Variants in ABCA13 observed in about 807,000 individuals in gnomAD.
ABCA13 encodes ATP-binding cassette sub-family A member 13.
A neutral mutation model predicts 478.7 loss-of-function variants in ABCA13; 476 were observed. The ratio of observed to expected loss-of-function variants is 0.99; its 90% CI spans 0.92 to 1.07. The LOEUF is 1.07. Ranked by LOEUF, ABCA13 falls within the 50% of genes least tolerant of loss-of-function variation. The pLI, the probability that ABCA13 is intolerant of heterozygous loss-of-function variation, is 0.00. For missense variants in ABCA13, 6,060 were observed against 5,910.6 expected (o/e 1.03, Z -0.83); for synonymous variants, 2,252 against 2,158.9 (o/e 1.04, Z -1.20).
chr7:48,606,658 C>T (rs573016339), intron 58 of ABCA13, among the ~76,000 whole-genome samples: 2 of 152,260 alleles, frequency 1.3e-5, no homozygotes, highest in East Asian at 1.9e-4. Flanking sequence ...CAGCCCCTAC[C>T]GGGAGCTATC....
intron 16 of ABCA13, among the ~76,000 whole-genome samples, chr7:48,270,306 G>T (rs1367345399): frequency 6.6e-6 from 1 of 152,062 alleles, no homozygotes; most frequent in East Asian, 1.9e-4. Flanking sequence ...ACTTCAAAAG[G>T]CTGTTGTAGG....
At chr7:48,463,707 C>T (rs530902664) in intron 43 of ABCA13, among the ~76,000 whole-genome samples, 6 of 149,686 alleles carry the variant, frequency 4.0e-5, no homozygotes, top group African/African-American at 7.4e-5. Flanking sequence ...CAGGAGAGGT[C>T]GAAAGACTGG....
At chr7:48,321,349 G>A (rs1457945115) in intron 27 of ABCA13, among the ~76,000 whole-genome samples, 1 of 152,168 alleles carries the variant, frequency 6.6e-6, no homozygotes, top group African/African-American at 2.4e-5. Context: ...GCGGGTGGGA[G>A]CCCCTGGGAA....
intron 3 of ABCA13, 111 bp downstream of exon 3, chr7:48,198,471 A>G (rs970773036): frequency 8.1e-7 from 1 of 1,228,584 alleles, no homozygotes; most frequent in Non-Finnish European, 1.1e-6. Context: ...AGATCATGAG[A>G]AGTATAGAAA....
At chr7:48,239,542 C>A in intron 9 of ABCA13, 137 bp downstream of exon 9, 1 of 1,038,354 alleles carries the variant, frequency 9.6e-7, no homozygotes, top group Non-Finnish European at 1.3e-6. Flanking sequence ...AGCCCCACAT[C>A]CTGGCCATTG....
At position 48,272,444 on chromosome 7, in the gene ABCA13, A is replaced by G. The variant is rs1795741836; in HGVS notation, c.2778A>G (p.Ala926=). Residue 926 remains alanine, a synonymous_variant, in exon 17 of 62, where the codon GCA becomes GCG. Coordinates refer to ENST00000435803, the MANE Select transcript of ABCA13 (RefSeq NM_152701.5). ...ACACAGTCTACGCTATCAGGAATGC[A>G]TCTGATCTTTTCTCAGCCCTTTCTG... The part of the protein sequence containing the change: ...ALNTVYAIRN[A]SDLFSALSEP... 1 of 1,613,828 alleles carries G rather than the reference A, an allele frequency of 6.2e-7. No homozygotes were observed. The highest frequency in any genetic ancestry group is 8.5e-7 in the Non-Finnish European group (1 of 1,179,780).
intron 57 of ABCA13, among the ~76,000 whole-genome samples, chr7:48,587,946 G>A (rs1157335396): frequency 6.6e-6 from 1 of 152,204 alleles, no homozygotes; most frequent in African/African-American, 2.4e-5. Context: ...AAAGGCTATT[G>A]TTACATGCCA....
At chr7:48,288,142 C>T in intron 20 of ABCA13, 64 bp downstream of exon 20, 1 of 1,419,428 alleles carries the variant, frequency 7.0e-7, no homozygotes, top group Non-Finnish European at 9.9e-7. Context: ...GCAAGGCAGT[C>T]CAGTTATTCA....
Position 48,335,449 on chromosome 7 carries a change from A to G in ABCA13, c.10027A>G (p.Lys3343Glu), listed in dbSNP as rs764286633. The change falls in exon 28 of 62, where the codon AAA (lysine) becomes GAA (glutamate). Residue 3343 changes from lysine (K) to glutamate (E), a missense_variant. Lys to Glu is a moderately conservative substitution (Grantham distance 56, BLOSUM62 1). Around this residue, in one of 3 missense-constraint regions of ABCA13, gnomAD observed 4,423 missense variants for 4,309.1 expected, o/e 1.03. Transcript: ENST00000435803. ...KANYTFYIVD[K>E]LKTLSETLLE... Reference sequence around the variant, plus strand: ...TAATTACACCTTTTATATTGTGGACAAACTAAAAACTTTATCAGAAACACT... The same window carrying G: ...TAATTACACCTTTTATATTGTGGACGAACTAAAAACTTTATCAGAAACACT... The G allele has an allele frequency of 5.0e-6, 8 of 1,612,318 alleles. No individual in the cohort carries two copies. The highest frequency in any genetic ancestry group is 6.8e-6 in the Non-Finnish European group (8 of 1,179,024).
chr7:48,196,456 T>A (rs1797945212), intron 2 of ABCA13, among the ~76,000 whole-genome samples: 1 of 152,146 alleles, frequency 6.6e-6, no homozygotes, highest in African/African-American at 2.4e-5. Flanking sequence ...GGGATGGGCA[T>A]GGCGTGCAAC....
rs570394354 is a variant in ABCA13 at position 48,466,069 on chromosome 7, G to T, written c.12816-887G>T. Among the ~76,000 whole-genome samples the T allele has an allele frequency of 1.8e-4, 27 of 152,152 alleles. 1 individual carries two copies. In the South Asian group the frequency reaches 5.6e-3, roughly 32 times the overall value. On this transcript the variant is annotated intron_variant, in intron 43 of 61. Coordinates refer to ENST00000435803, the MANE Select transcript of ABCA13 (RefSeq NM_152701.5). ...ACTCAAAAAGTATTTTATAAATAAT[G>T]CAATGTAAGTTCTGAAAAGTAAGAA...
chr7:48,597,419 G>T lies in ABCA13; in HGVS notation c.14744+2606G>T, dbSNP rs562918929. ...TTTGCTATTATGAATAATATGTTAT[G>T]AACAGTCATATAAATGTCTTTGTAT... On this transcript the variant is annotated intron_variant, in intron 58 of 61. Transcript: ENST00000435803. Among the ~76,000 whole-genome samples, 37 of 152,278 alleles carry T rather than the reference G, an allele frequency of 2.4e-4. No individual in the cohort carries two copies. The South Asian group carries it at 4.8e-3, about 20-fold the overall frequency.
chr7:48,477,434 T>C lies in ABCA13; in HGVS notation c.12976-3602T>C, dbSNP rs564669574. On this transcript the variant is annotated intron_variant, in intron 45 of 61. Transcript: ENST00000435803. ...TAAATCATGCTGCTATAAAGACACA[T>C]GCACACGTATGTTTATTGCAGCACT... is the stretch of plus-strand genomic sequence containing the variant. Among the ~76,000 whole-genome samples the C allele has an allele frequency of 1.2e-3, 184 of 152,110 alleles. 2 individuals are homozygous for C. The East Asian group carries it at 0.017, about 14-fold the overall frequency.
chr7:48,440,719 ATATAGGATATATATATCCTCTT>A (rs1434948128), intron 42 of ABCA13, among the ~76,000 whole-genome samples: 9 of 151,644 alleles, frequency 5.9e-5, no homozygotes, highest in African/African-American at 1.7e-4. Context: ...TATATCCTCT[ATATAGGATATATATATCCTCTT>A]TATTATGCTT....
intron 28 of ABCA13, 139 bp from the exon 29 acceptor site, chr7:48,338,226 G>A (rs560498095): frequency 5.9e-6 from 3 of 511,584 alleles, no homozygotes; most frequent in Admixed American, 3.9e-5. Flanking sequence ...TTATTGTGGT[G>A]TTTTAAAACT....
At position 48,374,225 on chromosome 7, in the gene ABCA13, G is replaced by C. The variant is rs551399600; in HGVS notation, c.11134-122G>C. On this transcript the variant is annotated intron_variant, in intron 33 of 61. Coordinates refer to ENST00000435803, the MANE Select transcript of ABCA13 (RefSeq NM_152701.5). ...TATTTAAATGACTGCCTGAAGCGATGGTTGGGCGTCATCAGAATGAAAAGT... is the reference window on the plus strand; with the variant it reads ...TATTTAAATGACTGCCTGAAGCGATCGTTGGGCGTCATCAGAATGAAAAGT... The C allele has an allele frequency of 6.2e-6, 5 of 805,082 alleles. No homozygotes were observed. In the South Asian group the frequency reaches 7.2e-5, roughly 12 times the overall value. The allele number at this position is 805,082 out of a possible 1,614,324, so 49.9% of individuals were successfully genotyped here.
At chr7:48,445,557 C>T (rs934125867) in intron 42 of ABCA13, among the ~76,000 whole-genome samples, 1 of 152,136 alleles carries the variant, frequency 6.6e-6, no homozygotes, top group African/African-American at 2.4e-5. Flanking sequence ...ACTCTTTCCC[C>T]CTTCTCTGAG....
chr7:48,260,525 C>A (rs1274784809), intron 15 of ABCA13, among the ~76,000 whole-genome samples: 1 of 151,906 alleles, frequency 6.6e-6, no homozygotes, highest in Non-Finnish European at 1.5e-5. Flanking sequence ...GTGTTCATTT[C>A]TTAATTTTGT....
chr7:48,569,970 C>G (rs1370572169), intron 55 of ABCA13, among the ~76,000 whole-genome samples: 2 of 152,052 alleles, frequency 1.3e-5, no homozygotes, highest in African/African-American at 2.4e-5. Flanking sequence ...TCTCTTAGGT[C>G]TAGTTATCTT....
Sources: allele counts gnomAD v4.1 joint callset (sites outside exome capture counted in the v4.1 genomes callset), GRCh38; gene constraint gnomAD v4.1.1; regional missense constraint gnomAD v4.1.1; transcripts MANE v1.5; gene names NCBI Gene and HGNC (gene_info 2026-07-23, HGNC 2026-07-21).